Variants in PDLIM2 observed in about 807,000 individuals in gnomAD.
PDLIM2 encodes the protein PDZ and LIM domain 2, also known as PDZ and LIM domain protein 2.
PDLIM2 carries 51 observed loss-of-function variants against 54.1 expected under a neutral mutation model. The ratio of observed to expected loss-of-function variants is 0.94; its 90% CI spans 0.75 to 1.19. The LOEUF is 1.19. Among genes scored for constraint, PDLIM2 ranks in the 50% most tolerant of loss-of-function variants. The probability of loss-of-function intolerance (pLI) is 0.00; values close to 1 mark genes in which losing one functional copy is unlikely to be tolerated. For missense variants in PDLIM2, 912 were observed against 874.0 expected (o/e 1.04, Z -0.55); for synonymous variants, 398 against 385.6 (o/e 1.03, Z -0.38).
chr8:22,585,066 A>C lies in PDLIM2; in HGVS notation c.1115A>C (p.Tyr372Ser). The C allele has an allele frequency of 1.9e-6, 3 of 1,613,630 alleles. No individual in the cohort carries two copies. In the South Asian group the frequency reaches 3.3e-5, roughly 18 times the overall value. ...AGTCAGTCCTCCTTAAGGTCCTCCT[A>C]CTCCAGCCCAACCTCCCTCAGCCCG... The change falls in exon 5 of 10, where the codon TAC becomes TCC. Residue 372 changes from tyrosine to serine, a missense_variant. Transcript: ENST00000308354.
At chr8:22,591,602 C>G in exon 9 of PDLIM2, 1 of 1,613,678 alleles carries the variant, frequency 6.2e-7, no homozygotes, top group Non-Finnish European at 8.5e-7. Context: ...TCCTCCCTGC[C>G]CGCCTCCAGG....
chr8:22,589,136 C>T, intron 6 of PDLIM2, 162 bp from the exon 6 acceptor site: 1 of 560,402 alleles, frequency 1.8e-6, no homozygotes. Context: ...GGGCTGGGAG[C>T]CCCCGACACC....
chr8:22,595,924 C>T (rs1357100011), downstream of PDLIM2: 1 of 152,900 alleles, frequency 6.5e-6, no homozygotes, highest in African/African-American at 2.4e-5. Context: ...GTAGCTGGGA[C>T]TACAGGCGTG....
At chr8:22,578,948 T>G in exon 1 of PDLIM2, 1 of 1,239,312 alleles carries the variant, frequency 8.1e-7, no homozygotes, top group Non-Finnish European at 1.0e-6. Context: ...GGCTGGACGG[T>G]CGCAGCCTGC....
chr8:22,591,315 GC>G, intron 8 of PDLIM2: 1 of 576,930 alleles, frequency 1.7e-6, no homozygotes, highest in Non-Finnish European at 3.1e-6. Context: ...AGCACAGATG[GC>G]CCCAGGTGGC....
At chr8:22,583,418 C>G (rs1054016265) in intron 3 of PDLIM2, among the ~76,000 whole-genome samples, 1 of 152,190 alleles carries the variant, frequency 6.6e-6, no homozygotes, top group Non-Finnish European at 1.5e-5. Context: ...CTCACTTTCC[C>G]TCTCTGGGTT....
chr8:22,589,128 G>T, intron 6 of PDLIM2, 170 bp from the exon 6 acceptor site: 1 of 540,582 alleles, frequency 1.8e-6, no homozygotes, highest in Admixed American at 3.3e-5. Flanking sequence ...GTCGGCGAGG[G>T]CTGGGAGCCC....
At chr8:22,583,752 G>A (rs1245482940) in intron 3 of PDLIM2, among the ~76,000 whole-genome samples, 1 of 149,000 alleles carries the variant, frequency 6.7e-6, no homozygotes, top group Non-Finnish European at 1.5e-5. Flanking sequence ...GGGTGACAGA[G>A]CGAGACTCCA....
chr8:22,584,891 G>A lies in PDLIM2; in HGVS notation c.1065+1G>A. Reference sequence around the variant, plus strand: ...GGAAGTGCTGGCGACTCGCTTCCAGGTAAGCTGGTGCCCTCCCCTGACAGC... The same window carrying A: ...GGAAGTGCTGGCGACTCGCTTCCAGATAAGCTGGTGCCCTCCCCTGACAGC... On this transcript the variant is annotated splice_donor_variant, in intron 4 of 9. Coordinates refer to ENST00000308354, the Ensembl canonical transcript of PDLIM2. LOFTEE classifies it high-confidence loss of function. 6.2e-7 allele frequency: 1 copy of A among 1,614,142 alleles called. No homozygotes were observed. The highest frequency in any genetic ancestry group is 8.5e-7 in the Non-Finnish European group (1 of 1,180,018).
At chr8:22,585,106 C>T (rs1328739407) in exon 5 of PDLIM2, 30 of 1,613,820 alleles carry the variant, frequency 1.9e-5, no homozygotes, top group Non-Finnish European at 2.5e-5. Flanking sequence ...CCGGCAGCCC[C>T]TTCTCACCAC....
At chr8:22,587,188 G>T (rs1003776439) in intron 6 of PDLIM2, among the ~76,000 whole-genome samples, 1 of 152,138 alleles carries the variant, frequency 6.6e-6, no homozygotes, top group African/African-American at 2.4e-5. Flanking sequence ...TACAAATGAG[G>T]CTGTGGTCCC....
At chr8:22,589,239 T>G (rs1800462938) in intron 6 of PDLIM2, 59 bp from the exon 6 acceptor site, 14 of 1,516,756 alleles carry the variant, frequency 9.2e-6, no homozygotes, top group Non-Finnish European at 1.2e-5. Flanking sequence ...TAGGCCCTCC[T>G]GGGTGTGTTG....
At chr8:22,580,451 C>T in intron 1 of PDLIM2, 24 bp from the exon 1 acceptor site, 1 of 1,486,048 alleles carries the variant, frequency 6.7e-7, no homozygotes, top group Non-Finnish European at 8.9e-7. Context: ...GGGAGTTAGC[C>T]ACTTCCTCTA....
At chr8:22,594,603 G>T, downstream of PDLIM2, 1 of 1,614,024 alleles carries the variant, frequency 6.2e-7, no homozygotes, top group South Asian at 1.1e-5. Flanking sequence ...GGCGCCAAGC[G>T]GAGGGACAGG....
intron 6 of PDLIM2, among the ~76,000 whole-genome samples, chr8:22,586,014 C>T (rs192733056): frequency 1.8e-4 from 27 of 152,162 alleles, no homozygotes; most frequent in East Asian, 1.4e-3. Flanking sequence ...TCCTCTTCAA[C>T]GGTGGGGGAT....
intron 9 of PDLIM2, chr8:22,592,770 G>T (rs1368672689): frequency 1.3e-5 from 2 of 152,238 alleles, no homozygotes; most frequent in Non-Finnish European, 2.9e-5. Context: ...TGCGGATGCT[G>T]CTGGCTGTGG....
chr8:22,584,954 C>G, intron 4 of PDLIM2, 63 bp from the exon 4 acceptor site: 2 of 1,613,652 alleles, frequency 1.2e-6, no homozygotes, highest in Non-Finnish European at 1.7e-6. Context: ...AAGTGAGGCC[C>G]GAGGGCAGGG....
In PDLIM2 at chr8:22,584,851, T is replaced by TG; in HGVS notation, c.1030dup (p.Asp344GlyfsTer20). On this transcript the variant is annotated frameshift_variant, in exon 4 of 10. Coordinates refer to ENST00000308354, the Ensembl canonical transcript of PDLIM2. LOFTEE classifies it high-confidence loss of function. ...AGGCTACGTCTCCAGGGCAGACCAATGGGGACAGCTCCTTGGAAGTGCTGG... is the reference window on the plus strand; with the variant it reads ...AGGCTACGTCTCCAGGGCAGACCAATGGGGGACAGCTCCTTGGAAGTGCTGG... 1 of 1,614,132 alleles carries TG rather than the reference T, an allele frequency of 6.2e-7. No homozygotes were observed. Among genetic ancestry groups the TG allele is most frequent in the Non-Finnish European group, 8.5e-7 (1 of 1,180,020 alleles).
rs546318955 is a variant in PDLIM2 at position 22,585,382 on chromosome 8, C to T, written c.1273C>T (p.Arg425Cys). Reference sequence around the variant, plus strand: ...TGCTGACCGCCTGTCCTACTCAGGCCGCCCTGGAAGCCGACAGGTGAGGCT... The same window carrying T: ...TGCTGACCGCCTGTCCTACTCAGGCTGCCCTGGAAGCCGACAGGTGAGGCT... Residue 425 changes from arginine (R) to cysteine (C), a missense_variant, in exon 6 of 10, where the codon CGC becomes TGC. Transcript: ENST00000308354. The T allele has an allele frequency of 5.2e-5, 83 of 1,611,202 alleles. No individual in the cohort carries two copies. The highest frequency in any genetic ancestry group is 1.1e-4 in the South Asian group (10 of 90,734).
Sources: gnomAD v4.1 joint callset for allele counts (sites outside exome capture counted in the v4.1 genomes callset) on GRCh38, gnomAD v4.1.1 for gene constraint, MANE v1.5 for transcripts, NCBI Gene and HGNC (gene_info 2026-07-23, HGNC 2026-07-21) for gene names.